TAB2: variants seen among roughly 807,000 people sequenced by gnomAD.
TAB2 encodes the protein TGF-beta activated kinase 1 (MAP3K7) binding protein 2.
A neutral mutation model predicts 65.0 loss-of-function variants in TAB2; 3 were observed. The observed-to-expected ratio is 0.05, with a 90% CI of 0.02 to 0.12. TAB2 has a LOEUF of 0.12. Among genes scored for constraint, TAB2 ranks in the 10% least tolerant of loss-of-function variants. TAB2 has a pLI of 1.00. For synonymous variants in TAB2, 298 were observed against 285.1 expected (o/e 1.05, Z -0.46); for missense variants, 623 against 840.3 (o/e 0.74, Z 3.20).
chr6:149,261,093 A>G (rs1778144159), intron 1 of TAB2, among the ~76,000 whole-genome samples: 1 of 152,206 alleles, frequency 6.6e-6, no homozygotes, highest in African/African-American at 2.4e-5. Flanking sequence ...TGGGCCTTTC[A>G]GAGTTCAAGG....
chr6:149,289,019 A>G (rs1778727196), intron 1 of TAB2, among the ~76,000 whole-genome samples: 1 of 151,740 alleles, frequency 6.6e-6, no homozygotes. Context: ...TACCATGCCC[A>G]GCTAATTTTT....
chr6:149,260,191 G>A (rs983762648), intron 1 of TAB2, among the ~76,000 whole-genome samples: 4 of 152,178 alleles, frequency 2.6e-5, no homozygotes, highest in African/African-American at 7.2e-5. Context: ...ACCGGCTCAG[G>A]CACCACCTCA....
intron 1 of TAB2, among the ~76,000 whole-genome samples, chr6:149,236,083 G>C (rs1777489042): frequency 6.6e-6 from 1 of 152,156 alleles, no homozygotes; most frequent in South Asian, 2.1e-4. Context: ...GACTACAAAG[G>C]GTGGGAGGGT....
chr6:149,379,693 T>A (rs866764833), intron 3 of TAB2, among the ~76,000 whole-genome samples, 175 bp downstream of exon 3: 16 of 152,206 alleles, frequency 1.1e-4, no homozygotes, highest in African/African-American at 3.6e-4. Context: ...ATTTTAATTT[T>A]ATTTTATTAT....
chr6:149,398,070 T>G lies in TAB2; in HGVS notation c.1858+8T>G, dbSNP rs1367182670. 6.2e-7 allele frequency: 1 copy of G among 1,611,256 alleles called. No homozygotes were observed. The highest frequency in any genetic ancestry group is 8.5e-7 in the Non-Finnish European group (1 of 1,177,816). On this transcript the variant is annotated splice_region_variant and intron_variant, in intron 5 of 6. Transcript: ENST00000637181. ...ATCTTTTTCAAGCCCGAGGTAAAGTTCAGTGTATTTGTAGCTGAAATTCAT... is the reference window on the plus strand; with the variant it reads ...ATCTTTTTCAAGCCCGAGGTAAAGTGCAGTGTATTTGTAGCTGAAATTCAT...
intron 1 of TAB2, among the ~76,000 whole-genome samples, chr6:149,357,417 A>G (rs948673214): frequency 2.3e-5 from 3 of 131,814 alleles, no homozygotes; most frequent in African/African-American, 1.0e-4. Context: ...CTCCGTCTCA[A>G]GGAGAAAAAA....
At chr6:149,349,039 A>G (rs2114799593) in intron 1 of TAB2, among the ~76,000 whole-genome samples, 1 of 152,256 alleles carries the variant, frequency 6.6e-6, no homozygotes, top group East Asian at 1.9e-4. Flanking sequence ...TGTAAATACT[A>G]CAATGAATAT....
rs7761204 is a variant in TAB2 at position 149,326,567 on chromosome 6, A to G, written c.-90+8552A>G. ...TTTTGTTATTATTTTTTTTTTTTTG[A>G]GACGGGGTCTTGCTCTTTTGTCCAG... On this transcript the variant is annotated intron_variant, in intron 1 of 6. Transcript: ENST00000637181. Among the ~76,000 whole-genome samples the G allele has an allele frequency of 9.1e-3, 1,332 of 146,382 alleles. 21 individuals carry two copies. Among genetic ancestry groups the G allele is most frequent in the African/African-American group, 0.032 (1,261 of 39,800 alleles).
intron 1 of TAB2, among the ~76,000 whole-genome samples, chr6:149,290,595 G>C (rs1326748428): frequency 6.6e-6 from 1 of 152,184 alleles, no homozygotes; most frequent in Non-Finnish European, 1.5e-5. Flanking sequence ...TGTAATACCA[G>C]CACTCTGGGA....
chr6:149,316,108 C>T (rs1441035973), upstream of TAB2, among the ~76,000 whole-genome samples: 1 of 152,122 alleles, frequency 6.6e-6, no homozygotes, highest in African/African-American at 2.4e-5. Context: ...CCTCAGAGAA[C>T]TGCTGTAAAG....
At chr6:149,255,896 A>G (rs1778019064) in intron 1 of TAB2, among the ~76,000 whole-genome samples, 1 of 152,220 alleles carries the variant, frequency 6.6e-6, no homozygotes, top group South Asian at 2.1e-4. Context: ...TATACAACTG[A>G]GTCCTCCTCA....
At chr6:149,269,852 C>T (rs2114674741) in intron 1 of TAB2, among the ~76,000 whole-genome samples, 1 of 152,336 alleles carries the variant, frequency 6.6e-6, no homozygotes, top group Non-Finnish European at 1.5e-5. Flanking sequence ...AACTGAGTGA[C>T]ATTTGGTTGT....
At chr6:149,403,247 AATAT>A (rs71010865) in intron 6 of TAB2, among the ~76,000 whole-genome samples, 1,469 of 43,882 alleles carry the variant, frequency 0.033, 17 homozygotes, top group South Asian at 0.058. Context: ...AAAAAAAAAA[AATAT>A]ATATATATAT....
Position 149,253,958 on chromosome 6 carries a change from A to AAAAGAAAGAAAGAAAG in TAB2, c.-121+35234_-121+35249dup, listed in dbSNP as rs545364740. ...AGAAAGAAAGAGAAAGAAAGAAAGA[A>AAAAGAAAGAAAGAAAG]AAAGAAAGAAAGAAAGAAAGAAAGA... On this transcript the variant is annotated intron_variant, in intron 1 of 1. Transcript: ENST00000606202. 1.1e-3 allele frequency among the ~76,000 whole-genome samples: 84 copies of AAAAGAAAGAAAGAAAG among 76,368 alleles called. 1 individual carries two copies. The highest frequency in any genetic ancestry group is 1.6e-3 in the African/African-American group (32 of 19,742). 50.1% of individuals were successfully genotyped at this position (76,368 alleles called of 152,430 possible). A position where few individuals can be genotyped will look rare whatever the true frequency, so the allele number is the denominator to read the frequency against.
At chr6:149,385,774 G>T (rs544200902) in intron 3 of TAB2, among the ~76,000 whole-genome samples, 14 of 152,198 alleles carry the variant, frequency 9.2e-5, no homozygotes, top group African/African-American at 3.1e-4. Flanking sequence ...TCCTAAGGTA[G>T]CATATTCTGG....
intron 1 of TAB2, among the ~76,000 whole-genome samples, chr6:149,230,737 G>A (rs1477359007): frequency 6.6e-6 from 1 of 152,160 alleles, no homozygotes; most frequent in East Asian, 1.9e-4. Flanking sequence ...AAGCCTCCTT[G>A]CCCTACAAGG....
At position 149,403,347 on chromosome 6, in the gene TAB2, C is replaced by CATATATAT. The variant is rs1453648247; in HGVS notation, c.1939+4164_1939+4165insTATATATA. On this transcript the variant is annotated intron_variant, in intron 6 of 6. Transcript: ENST00000637181. ...ATATATATACATATATATACACACA[C>CATATATAT]ACACACACACACACACACACACACA... 9.4e-3 allele frequency among the ~76,000 whole-genome samples: 280 copies of CATATATAT among 29,708 alleles called. 2 individuals carry two copies. Among genetic ancestry groups the CATATATAT allele is most frequent in the African/African-American group, 0.056 (263 of 4,724 alleles). 19.5% of individuals were successfully genotyped at this position (29,708 alleles called of 152,430 possible).
At chr6:149,399,325 T>C (rs924450161) in intron 6 of TAB2, 141 bp downstream of exon 6, 1 of 683,952 alleles carries the variant, frequency 1.5e-6, no homozygotes, top group African/African-American at 1.8e-5. Flanking sequence ...AGATGTTTGC[T>C]TATTTTCATT....
chr6:149,301,530 A>T (rs1266359813), intron 1 of TAB2, among the ~76,000 whole-genome samples: 1 of 152,252 alleles, frequency 6.6e-6, no homozygotes, highest in African/African-American at 2.4e-5. Flanking sequence ...ACACATATAC[A>T]TTCATCAAGA....
Sources: gnomAD v4.1 joint callset for allele counts (sites outside exome capture counted in the v4.1 genomes callset) on GRCh38, gnomAD v4.1.1 for gene constraint, MANE v1.5 for transcripts, NCBI Gene and HGNC (gene_info 2026-07-23, HGNC 2026-07-21) for gene names.